The following CCSER1 variants were observed in gnomAD, a reference collection of about 807,000 sequenced individuals.
CCSER1 encodes serine-rich coiled-coil domain-containing protein 1.
Under a neutral mutation model 82.0 loss-of-function variants are expected in CCSER1, and 41 were observed. That is an observed-to-expected ratio of 0.50 (90% CI 0.39 to 0.65). CCSER1 has a LOEUF of 0.65. Ranked by LOEUF, CCSER1 falls within the 30% of genes least tolerant of loss-of-function variation. The pLI is 0.00. For missense variants in CCSER1, 1,119 were observed against 1,064.2 expected (o/e 1.05, Z -0.72); for synonymous variants, 414 against 383.9 (o/e 1.08, Z -0.92).
chr4:91,433,527 A>T (rs1026558459), intron 10 of CCSER1, among the ~76,000 whole-genome samples: 4 of 152,118 alleles, frequency 2.6e-5, no homozygotes, highest in Non-Finnish European at 2.9e-5. Flanking sequence ...TTTATCTTTC[A>T]TTCTCTCATT....
At chr4:90,878,103 A>G (rs1455387275) in intron 8 of CCSER1, among the ~76,000 whole-genome samples, 7 of 152,104 alleles carry the variant, frequency 4.6e-5, no homozygotes, top group African/African-American at 1.7e-4. Flanking sequence ...TCCATTGTGA[A>G]ACTGAAACTA....
At chr4:90,257,438 G>A (rs1176304941) in intron 1 of CCSER1, among the ~76,000 whole-genome samples, 1 of 152,042 alleles carries the variant, frequency 6.6e-6, no homozygotes, top group Admixed American at 6.6e-5. Flanking sequence ...GCAAAGCAGG[G>A]ATTTATGCTG....
intron 7 of CCSER1, among the ~76,000 whole-genome samples, chr4:90,783,784 T>G (rs1754119737): frequency 6.6e-6 from 1 of 152,190 alleles, no homozygotes; most frequent in Admixed American, 6.6e-5. Context: ...GTTAATTTTA[T>G]AATATGTGCC....
intron 10 of CCSER1, among the ~76,000 whole-genome samples, chr4:91,267,969 GA>G (rs1741730576): frequency 6.6e-6 from 1 of 152,180 alleles, no homozygotes; most frequent in Non-Finnish European, 1.5e-5. Flanking sequence ...ACTAGCAGGA[GA>G]TGTATTATTG....
chr4:90,738,665 G>A (rs1415316121), intron 7 of CCSER1, among the ~76,000 whole-genome samples: 1 of 152,076 alleles, frequency 6.6e-6, no homozygotes, highest in Non-Finnish European at 1.5e-5. Flanking sequence ...AAGACCAAAG[G>A]CTCTACAATC....
chr4:90,487,212 G>A (rs182935881), intron 5 of CCSER1, among the ~76,000 whole-genome samples: 59 of 152,202 alleles, frequency 3.9e-4, no homozygotes, highest in South Asian at 3.1e-3. Context: ...GGTCCCGGCC[G>A]TCTCTATTTT....
At chr4:90,173,254 G>T (rs888638227) in intron 1 of CCSER1, among the ~76,000 whole-genome samples, 5 of 151,616 alleles carry the variant, frequency 3.3e-5, no homozygotes, top group African/African-American at 1.2e-4. Flanking sequence ...ATGGGCCATT[G>T]TGGTCCACGA....
chr4:91,121,858 T>C (rs1727118761), intron 10 of CCSER1, among the ~76,000 whole-genome samples: 1 of 151,566 alleles, frequency 6.6e-6, no homozygotes, highest in African/African-American at 2.4e-5. Context: ...TCTTTTGACA[T>C]CCATAATTTC....
chr4:90,910,116 AAG>A (rs975976157), intron 8 of CCSER1, among the ~76,000 whole-genome samples: 1 of 152,048 alleles, frequency 6.6e-6, no homozygotes, highest in Non-Finnish European at 1.5e-5. Flanking sequence ...GAGAGAGAGA[AAG>A]AGAGAGCAAA....
At chr4:90,231,745 C>G (rs1312374193) in intron 1 of CCSER1, among the ~76,000 whole-genome samples, 12 of 152,140 alleles carry the variant, frequency 7.9e-5, no homozygotes, top group Admixed American at 7.9e-4. Flanking sequence ...CCCAAAATCT[C>G]CTTAAGCTGC....
chr4:91,038,596 T>C (rs1202365513), intron 9 of CCSER1, among the ~76,000 whole-genome samples: 2 of 152,176 alleles, frequency 1.3e-5, no homozygotes, highest in Non-Finnish European at 2.9e-5. Context: ...ATGAAGATGA[T>C]CACGGATCCT....
At chr4:91,073,648 T>C (rs1377047493) in intron 9 of CCSER1, among the ~76,000 whole-genome samples, 3 of 152,110 alleles carry the variant, frequency 2.0e-5, no homozygotes, top group Non-Finnish European at 4.4e-5. Flanking sequence ...ATATGTAAGT[T>C]AAAAAAATCA....
At chr4:90,714,646 G>T (rs1741297180) in intron 6 of CCSER1, among the ~76,000 whole-genome samples, 1 of 151,898 alleles carries the variant, frequency 6.6e-6, no homozygotes, top group African/African-American at 2.4e-5. Context: ...CACCTTGGGG[G>T]AATGCTACAA....
chr4:90,176,945 C>T (rs1732809820), intron 1 of CCSER1, among the ~76,000 whole-genome samples: 1 of 152,052 alleles, frequency 6.6e-6, no homozygotes, highest in Non-Finnish European at 1.5e-5. Flanking sequence ...GCTGTTGGTA[C>T]ATGAGTTAGC....
intron 1 of CCSER1, among the ~76,000 whole-genome samples, chr4:90,297,231 A>G (rs1158805727): frequency 1.3e-5 from 2 of 149,800 alleles, no homozygotes; most frequent in Non-Finnish European, 2.9e-5. Context: ...TTGGATTCCT[A>G]GGTATTTTAT....
chr4:90,882,123 T>G (rs1721420348), intron 8 of CCSER1, among the ~76,000 whole-genome samples: 1 of 152,024 alleles, frequency 6.6e-6, no homozygotes, highest in Non-Finnish European at 1.5e-5. Flanking sequence ...AAGACAACAT[T>G]TGTTATATAA....
chr4:90,341,082 A>G (rs989342856), intron 3 of CCSER1, among the ~76,000 whole-genome samples: 1 of 152,132 alleles, frequency 6.6e-6, no homozygotes, highest in Non-Finnish European at 1.5e-5. Context: ...ATTATTATAA[A>G]TAGAAAATAA....
intron 10 of CCSER1, among the ~76,000 whole-genome samples, chr4:91,196,159 C>A (rs1222048556): frequency 6.7e-6 from 1 of 148,262 alleles, no homozygotes; most frequent in Non-Finnish European, 1.5e-5. Flanking sequence ...AGCAGTCCGG[C>A]CTGGGCCAAA....
intron 3 of CCSER1, among the ~76,000 whole-genome samples, chr4:90,317,371 G>C (rs1376503952): frequency 6.6e-6 from 1 of 152,198 alleles, no homozygotes; most frequent in Non-Finnish European, 1.5e-5. Flanking sequence ...CAGCACTTTG[G>C]GAGGCTGAGG....
Sources: gnomAD v4.1 joint callset for allele counts (sites outside exome capture counted in the v4.1 genomes callset) on GRCh38, gnomAD v4.1.1 for gene constraint, MANE v1.5 for transcripts, NCBI Gene and HGNC (gene_info 2026-07-23, HGNC 2026-07-21) for gene names.